SRGAP3: variants seen among roughly 807,000 people sequenced by gnomAD.
SRGAP3 encodes SLIT-ROBO Rho GTPase activating protein 3, also known as SLIT-ROBO Rho GTPase-activating protein 3.
Under a neutral mutation model 121.1 loss-of-function variants are expected in SRGAP3, and 39 were observed. The observed-to-expected ratio is 0.32, with a 90% CI of 0.25 to 0.42. The LOEUF is 0.42. SRGAP3 is among the 10% of genes least tolerant of loss of function. The pLI is 1.00. For synonymous variants in SRGAP3, 601 were observed against 570.0 expected, an observed-to-expected ratio of 1.05 and a Z score of -0.77; for missense variants, 1,213 against 1,470.6, an observed-to-expected ratio of 0.82 and a Z score of 2.86.
intron 3 of SRGAP3, chr3:9,257,048 T>C (rs1574947991): frequency 5.1e-6 from 2 of 393,630 alleles, no homozygotes; most frequent in East Asian, 7.2e-5. Flanking sequence ...GTCTACATTC[T>C]TTATCTATTC....
At chr3:9,343,409 C>G (rs1575020350) in intron 1 of SRGAP3, among the ~76,000 whole-genome samples, 2 of 152,308 alleles carry the variant, frequency 1.3e-5, no homozygotes, top group East Asian at 3.9e-4. Context: ...TCCCGAACTA[C>G]TACAACAATC....
At chr3:9,153,321 T>A (rs1465329427) in intron 1 of SRGAP3, among the ~76,000 whole-genome samples, 2 of 152,224 alleles carry the variant, frequency 1.3e-5, no homozygotes, top group African/African-American at 4.8e-5. Flanking sequence ...TTGCCTAGCA[T>A]TTTACAAGGA....
At chr3:9,016,024 T>C (rs1943620921) in intron 14 of SRGAP3, 2 of 440,636 alleles carry the variant, frequency 4.5e-6, no homozygotes, top group Non-Finnish European at 8.3e-6. Context: ...GTATTTATAT[T>C]TATTGTTGCT....
chr3:9,048,841 A>G (rs1387660074), intron 9 of SRGAP3, among the ~76,000 whole-genome samples: 1 of 152,098 alleles, frequency 6.6e-6, no homozygotes, highest in African/African-American at 2.4e-5. Flanking sequence ...AAATAAATAA[A>G]TCAAATAAAG....
intron 8 of SRGAP3, among the ~76,000 whole-genome samples, chr3:9,053,941 T>C (rs986225762): frequency 6.6e-6 from 1 of 152,222 alleles, no homozygotes; most frequent in Non-Finnish European, 1.5e-5. Flanking sequence ...CTGGAAAAAC[T>C]GCCTCCAGTG....
intron 10 of SRGAP3, among the ~76,000 whole-genome samples, chr3:9,046,841 T>A (rs1018529982): frequency 6.6e-6 from 1 of 151,594 alleles, no homozygotes; most frequent in Non-Finnish European, 1.5e-5. Context: ...CTTTTCTTTT[T>A]TTTTTTGGAG....
chr3:9,351,213 T>A (rs566217119), intron 1 of SRGAP3, among the ~76,000 whole-genome samples: 13 of 152,328 alleles, frequency 8.5e-5, no homozygotes, highest in African/African-American at 3.1e-4. Flanking sequence ...CCACCTTTTC[T>A]AGAAAGCAAT....
intron 1 of SRGAP3, among the ~76,000 whole-genome samples, chr3:9,169,741 C>T (rs1490487879): frequency 5.3e-5 from 8 of 152,190 alleles, no homozygotes; most frequent in Admixed American, 4.6e-4. Context: ...CAGGTTACTC[C>T]AGGACCTGGA....
intron 3 of SRGAP3, among the ~76,000 whole-genome samples, chr3:9,088,511 T>A (rs954361055): frequency 3.5e-4 from 53 of 152,250 alleles, no homozygotes; most frequent in African/African-American, 1.3e-3. Context: ...TATAGGATGT[T>A]TAGGAGCATC....
Position 9,013,484 on chromosome 3 carries a change from G to T in SRGAP3, c.1971C>A (p.Ile657=). ...TGTGCATGAGGGTAGGCCCGAAGCA[G>T]ATGGCCAGGTTGTAGGGATCCATCA... is the stretch of plus-strand genomic sequence containing the variant. The part of the protein sequence containing the change: ...ENMMDPYNLA[I]CFGPTLMHIP... Residue 657 remains isoleucine, a synonymous_variant, in exon 17 of 22, where the codon ATC becomes ATA. Coordinates refer to ENST00000383836, the MANE Select transcript of SRGAP3 (RefSeq NM_014850.4). 6.2e-7 allele frequency: 1 copy of T among 1,614,148 alleles called. No individual in the cohort carries two copies. Among genetic ancestry groups the T allele is most frequent in the Non-Finnish European group, 8.5e-7 (1 of 1,180,034 alleles).
chr3:8,995,530 C>T (rs1248984433), intron 18 of SRGAP3, among the ~76,000 whole-genome samples: 3 of 152,158 alleles, frequency 2.0e-5, no homozygotes, highest in African/African-American at 7.2e-5. Context: ...TACAGATACT[C>T]ATGAGGTATT....
At chr3:9,141,598 G>GTGTGTT (rs1949855057) in intron 1 of SRGAP3, among the ~76,000 whole-genome samples, 1 of 135,716 alleles carries the variant, frequency 7.4e-6, no homozygotes, top group Non-Finnish European at 1.6e-5. Context: ...GTGTGTGTGT[G>GTGTGTT]TGTGTTCTTT....
At chr3:9,007,351 T>C (rs1161241849) in intron 18 of SRGAP3, 1 of 152,168 alleles carries the variant, frequency 6.6e-6, no homozygotes, top group African/African-American at 2.4e-5. Flanking sequence ...CATTGGCTGA[T>C]TCATGCATGG....
chr3:9,149,345 A>G (rs1213156389), intron 1 of SRGAP3, among the ~76,000 whole-genome samples: 2 of 152,158 alleles, frequency 1.3e-5, no homozygotes, highest in Non-Finnish European at 2.9e-5. Flanking sequence ...CAGTTTCCTA[A>G]TCCTAAGCTA....
rs754547731 is a variant in SRGAP3 at position 8,990,735 on chromosome 3, C to G, written c.2663G>C (p.Arg888Pro). The change falls in exon 21 of 22, where the codon CGG becomes CCG. Residue 888 changes from arginine to proline, a missense_variant. Physicochemically the swap from Arg to Pro is moderately radical, Grantham distance 103 (BLOSUM62 -2). Coordinates refer to ENST00000383836, the MANE Select transcript of SRGAP3 (RefSeq NM_014850.4). The stretch of plus-strand genomic sequence containing the variant: ...GGGGCTGCTGGGGCAGGCAGCAGCC[C>G]GGGGTGGTGTGTCTATGCTGGGGCC... ...GLGPSIDTPPRAAACPSSPHK... is the reference protein window; with the variant it reads ...GLGPSIDTPPPAAACPSSPHK... 1 of 1,610,008 alleles carries G rather than the reference C, an allele frequency of 6.2e-7. No homozygotes were observed. The highest frequency in any genetic ancestry group is 8.5e-7 in the Non-Finnish European group (1 of 1,178,944).
rs189497321 is a variant in SRGAP3 at position 9,171,017 on chromosome 3, G to T, written c.68-46100C>A. On this transcript the variant is annotated intron_variant, in intron 1 of 21. Transcript: ENST00000383836. ...CTGAGGAGTGCTGATCCTGGCCTTG[G>T]GCAGTCAGCTTCCGCCAGCTGTGCC... Among the ~76,000 whole-genome samples the T allele has an allele frequency of 7.9e-5, 12 of 152,336 alleles. 1 individual carries two copies. In the East Asian group the frequency reaches 2.3e-3, roughly 29 times the overall value.
chr3:9,352,272 T>A (rs2030217164), intron 1 of SRGAP3, among the ~76,000 whole-genome samples: 1 of 86,112 alleles, frequency 1.2e-5, no homozygotes, highest in Non-Finnish European at 2.0e-5. Flanking sequence ...GTTATGGACA[T>A]TTTTTTTTTT....
chr3:9,084,884 C>T (rs763363999), intron 3 of SRGAP3, among the ~76,000 whole-genome samples: 1 of 152,122 alleles, frequency 6.6e-6, no homozygotes, highest in Admixed American at 6.5e-5. Flanking sequence ...AATTTTGAGT[C>T]AAGCTAACTC....
chr3:9,105,580 C>T (rs1948393763), intron 2 of SRGAP3, among the ~76,000 whole-genome samples: 1 of 152,168 alleles, frequency 6.6e-6, no homozygotes, highest in Non-Finnish European at 1.5e-5. Context: ...TGCAGACTCT[C>T]CAGTCCCACT....
Sources: gnomAD v4.1 joint callset for allele counts (sites outside exome capture counted in the v4.1 genomes callset) on GRCh38, gnomAD v4.1.1 for gene constraint, MANE v1.5 for transcripts, NCBI Gene and HGNC (gene_info 2026-07-23, HGNC 2026-07-21) for gene names.